The following FBXW7 variants were observed in gnomAD, a reference collection of about 807,000 sequenced individuals.
The protein encoded by FBXW7 is F-box/WD repeat-containing protein 7.
Under a neutral mutation model 86.3 loss-of-function variants are expected in FBXW7, and 11 were observed. That is an observed-to-expected ratio of 0.13 (90% CI 0.08 to 0.21). The LOEUF is 0.21. FBXW7 is among the 10% of genes least tolerant of loss of function. The pLI is 1.00. For synonymous variants in FBXW7, 313 were observed against 297.9 expected (o/e 1.05, Z -0.52); for missense variants, 488 against 847.4 (o/e 0.58, Z 5.27).
At chr4:152,487,099 A>C (rs1745414676) in intron 2 of FBXW7, among the ~76,000 whole-genome samples, 1 of 152,202 alleles carries the variant, frequency 6.6e-6, no homozygotes, top group African/African-American at 2.4e-5. Flanking sequence ...TACAGAAAGA[A>C]GAATGCCAGC....
chr4:152,325,925 G>GC, intron 12 of FBXW7, 81 bp downstream of exon 12: 1 of 1,161,856 alleles, frequency 8.6e-7, no homozygotes, highest in Admixed American at 1.7e-5. Context: ...TACTGGATCA[G>GC]CAATTTGACA....
At chr4:152,503,245 G>A (rs1747113585) in intron 2 of FBXW7, among the ~76,000 whole-genome samples, 1 of 152,030 alleles carries the variant, frequency 6.6e-6, no homozygotes, top group Non-Finnish European at 1.5e-5. Context: ...AGCTTTAGAT[G>A]AGCCATGTGA....
chr4:152,372,642 G>A (rs946775983), intron 4 of FBXW7, among the ~76,000 whole-genome samples: 5 of 151,912 alleles, frequency 3.3e-5, no homozygotes, highest in African/African-American at 9.7e-5. Context: ...CTTGCCAGGA[G>A]CTTAGTTCCA....
chr4:152,324,338 A>G lies in FBXW7; in HGVS notation c.1701T>C (p.Asp567=), dbSNP rs1383486104. The stretch of plus-strand genomic sequence containing the variant: ...TGTGAATGCAATTCCCTGTCTCCAC[A>G]TCCCAAACACGGATTGATGTATCAA... The part of the protein sequence containing the change: ...GSLDTSIRVW[D]VETGNCIHTL... The change falls in exon 13 of 14, where the codon GAT becomes GAC. Residue 567 remains aspartate (D), a synonymous_variant. Transcript: ENST00000281708. 6.2e-7 allele frequency: 1 copy of G among 1,612,038 alleles called. No individual in the cohort carries two copies. Among genetic ancestry groups the G allele is most frequent in the South Asian group, 1.1e-5 (1 of 90,908 alleles).
chr4:152,330,183 CAAA>C (rs886552013), intron 9 of FBXW7, among the ~76,000 whole-genome samples: 7 of 151,398 alleles, frequency 4.6e-5, no homozygotes, highest in Non-Finnish European at 3.0e-5. Flanking sequence ...ATTCTTAAAA[CAAA>C]AAAAATCATA....
At chr4:152,397,676 T>C (rs1356424532) in intron 4 of FBXW7, among the ~76,000 whole-genome samples, 1 of 139,022 alleles carries the variant, frequency 7.2e-6, no homozygotes, top group African/African-American at 2.8e-5. Context: ...GTATTTCTCA[T>C]TTCTTTACCC....
At chr4:152,441,242 CTTCT>C (rs751241310) in intron 2 of FBXW7, among the ~76,000 whole-genome samples, 9 of 152,228 alleles carry the variant, frequency 5.9e-5, no homozygotes, top group African/African-American at 1.9e-4. Context: ...TTACTCCTCC[CTTCT>C]TTGTCGCCTG....
At chr4:152,529,557 T>C (rs1394999641) in intron 2 of FBXW7, among the ~76,000 whole-genome samples, 1 of 152,206 alleles carries the variant, frequency 6.6e-6, no homozygotes, top group African/African-American at 2.4e-5. Context: ...CATCATCCAA[T>C]GTTGGTATCT....
intron 2 of FBXW7, among the ~76,000 whole-genome samples, chr4:152,426,371 A>C (rs1003211345): frequency 6.8e-6 from 1 of 147,404 alleles, no homozygotes; most frequent in African/African-American, 2.5e-5. Flanking sequence ...TTTTTTTTTT[A>C]AACAGTCTCG....
At chr4:152,351,116 T>C (rs2126654561) in intron 4 of FBXW7, among the ~76,000 whole-genome samples, 1 of 152,214 alleles carries the variant, frequency 6.6e-6, no homozygotes, top group East Asian at 1.9e-4. Context: ...CACTCCAAAG[T>C]GATAGAGAGC....
rs1463623873 is a variant in FBXW7, at chr4:152,321,679, G to C, written c.*1202C>G. On this transcript the variant is annotated 3_prime_UTR_variant, in exon 14 of 14. Coordinates refer to ENST00000281708, the MANE Select transcript of FBXW7 (RefSeq NM_001349798.2). ...CCAAATACTGTAAAACACTAAGACT[G>C]ACCAGCAACTTTATTTTAATTTTGT... 1 of 232,964 alleles carries C rather than the reference G, an allele frequency of 4.3e-6. No individual in the cohort carries two copies. Among genetic ancestry groups the C allele is most frequent in the Non-Finnish European group, 8.5e-6 (1 of 117,712 alleles). The allele number at this position is 232,964 out of a possible 1,614,324, so 14.4% of individuals were successfully genotyped here.
At chr4:152,333,635 T>C (rs1160355301) in intron 7 of FBXW7, among the ~76,000 whole-genome samples, 1 of 152,152 alleles carries the variant, frequency 6.6e-6, no homozygotes, top group Non-Finnish European at 1.5e-5. Context: ...AGAACTAACA[T>C]AAATTATCCG....
At chr4:152,439,067 G>A (rs1017560076) in intron 2 of FBXW7, among the ~76,000 whole-genome samples, 2 of 152,176 alleles carry the variant, frequency 1.3e-5, no homozygotes, top group African/African-American at 4.8e-5. Flanking sequence ...CAAAGACAGA[G>A]CTTAAGCAAT....
At chr4:152,459,448 C>T in intron 2 of FBXW7, among the ~76,000 whole-genome samples, 1 of 152,152 alleles carries the variant, frequency 6.6e-6, no homozygotes. Flanking sequence ...TGTATGTATA[C>T]ATACACAGAG....
intron 4 of FBXW7, among the ~76,000 whole-genome samples, chr4:152,397,397 C>G (rs1736507192): frequency 6.6e-6 from 1 of 151,774 alleles, no homozygotes; most frequent in Non-Finnish European, 1.5e-5. Flanking sequence ...TTGGAGCCAG[C>G]ACAATGTTTT....
In FBXW7 at chr4:152,323,163, A is replaced by G. The variant is rs1240023250; in HGVS notation, c.1856-14T>C. The G allele has an allele frequency of 1.1e-5, 18 of 1,608,274 alleles. No homozygotes were observed. The highest frequency in any genetic ancestry group is 1.4e-5 in the Non-Finnish European group (17 of 1,175,998). On this transcript the variant is annotated splice_polypyrimidine_tract_variant and intron_variant, in intron 13 of 13. Coordinates refer to ENST00000281708, the MANE Select transcript of FBXW7 (RefSeq NM_001349798.2). ...GCTTGTTGGGACCTAGACAAAAACC[A>G]AAAGAATTTAATTACTGGTTAGAAA...
At chr4:152,332,781 G>A in intron 7 of FBXW7, 62 bp from the exon 8 acceptor site, 1 of 806,156 alleles carries the variant, frequency 1.2e-6, no homozygotes, top group African/African-American at 1.9e-5. Context: ...TATATAATAA[G>A]TTAATTATTC....
intron 7 of FBXW7, among the ~76,000 whole-genome samples, chr4:152,333,236 C>T (rs1729740222): frequency 6.6e-6 from 1 of 152,090 alleles, no homozygotes. Flanking sequence ...GAAACACTTA[C>T]ATCCTTGACT....
intron 4 of FBXW7, among the ~76,000 whole-genome samples, chr4:152,401,923 T>C (rs1403438408): frequency 6.6e-6 from 1 of 152,158 alleles, no homozygotes; most frequent in African/African-American, 2.4e-5. Context: ...GGATCAATAA[T>C]TCAAAGACAA....
Sources: gnomAD v4.1 joint callset for allele counts (sites outside exome capture counted in the v4.1 genomes callset) on GRCh38, gnomAD v4.1.1 for gene constraint, MANE v1.5 for transcripts, NCBI Gene and HGNC (gene_info 2026-07-23, HGNC 2026-07-21) for gene names.